The following PEPD variants were observed in gnomAD, a reference collection of about 807,000 sequenced individuals.
PEPD encodes xaa-Pro dipeptidase.
In PEPD, 53 loss-of-function variants were observed where a neutral mutation model predicts 60.7. That is an observed-to-expected ratio of 0.87 (90% CI 0.70 to 1.10). The LOEUF (loss-of-function observed/expected upper bound fraction) is 1.10. Ranked by LOEUF, PEPD falls within the 50% of genes least tolerant of loss-of-function variation. The probability of loss-of-function intolerance (pLI) is 0.00; values close to 1 mark genes in which losing one functional copy is unlikely to be tolerated. For synonymous variants in PEPD, 267 were observed against 284.1 expected, an observed-to-expected ratio of 0.94 and a Z score of 0.60; for missense variants, 711 against 711.9, an observed-to-expected ratio of 1.00 and a Z score of 0.01.
rs969099511 is a variant in PEPD at position 33,408,316 on chromosome 19, T to G, written c.818+3356A>C. Among the ~76,000 whole-genome samples the G allele has an allele frequency of 3.5e-4, 54 of 152,236 alleles. 1 individual carries two copies. Among genetic ancestry groups the G allele is most frequent in the Admixed American group, 3.3e-3 (51 of 15,288 alleles). ...GCTGCTGGAAGTGGGCATCAGGGCC[T>G]GGCCTGCCCAGCTCGGTGAGGACAC... On this transcript the variant is annotated intron_variant, in intron 11 of 14. Transcript: ENST00000244137.
chr19:33,494,592 GTTCT>G (rs937434912), intron 4 of PEPD, among the ~76,000 whole-genome samples: 2 of 152,180 alleles, frequency 1.3e-5, no homozygotes, highest in Non-Finnish European at 2.9e-5. Context: ...GTCATTATAT[GTTCT>G]TCAAACATGC....
intron 9 of PEPD, among the ~76,000 whole-genome samples, chr19:33,438,435 C>T (rs1969421141): frequency 6.6e-6 from 1 of 152,240 alleles, no homozygotes; most frequent in Non-Finnish European, 1.5e-5. Flanking sequence ...GAGGCAGGTC[C>T]AAGGGTCTCT....
intron 12 of PEPD, among the ~76,000 whole-genome samples, chr19:33,398,083 G>C (rs548381788): frequency 6.6e-6 from 1 of 152,290 alleles, no homozygotes; most frequent in South Asian, 2.1e-4. Flanking sequence ...TAAGACAATG[G>C]CTTTCCCACC....
chr19:33,487,147 C>G (rs774679003), intron 6 of PEPD: 1 of 152,190 alleles, frequency 6.6e-6, no homozygotes. Flanking sequence ...CAGGGGAATG[C>G]GGTTGCTGAG....
At chr19:33,434,808 C>A (rs1260561674) in intron 9 of PEPD, among the ~76,000 whole-genome samples, 1 of 151,950 alleles carries the variant, frequency 6.6e-6, no homozygotes, top group African/African-American at 2.4e-5. Flanking sequence ...GGTGGAGCAG[C>A]AGAAGCCTGG....
At chr19:33,461,521 A>G (rs954128215) in intron 9 of PEPD, among the ~76,000 whole-genome samples, 4 of 152,130 alleles carry the variant, frequency 2.6e-5, no homozygotes, top group African/African-American at 9.7e-5. Flanking sequence ...TCAAGCAGCC[A>G]GCATGCAGAG....
intron 9 of PEPD, among the ~76,000 whole-genome samples, chr19:33,445,491 C>T (rs1969574305): frequency 6.6e-6 from 1 of 152,192 alleles, no homozygotes; most frequent in East Asian, 1.9e-4. Flanking sequence ...GACATCTGAG[C>T]ATATGAGAGA....
chr19:33,394,022 C>T (rs1968303227), intron 12 of PEPD, among the ~76,000 whole-genome samples: 2 of 152,264 alleles, frequency 1.3e-5, no homozygotes, highest in South Asian at 4.1e-4. Context: ...CTGCAGCCGT[C>T]CCCTGGACGG....
In PEPD at chr19:33,516,309, A is replaced by C. The variant is rs894923757; in HGVS notation, c.18-3533T>G. On this transcript the variant is annotated intron_variant, in intron 1 of 14. Transcript: ENST00000244137. ...CAGGTTTCTGCTGCAGCTTTTGTTAACTGGCACCCAGAATTTAAAAGGCAA... is the reference window on the plus strand; with the variant it reads ...CAGGTTTCTGCTGCAGCTTTTGTTACCTGGCACCCAGAATTTAAAAGGCAA... 3.3e-5 allele frequency among the ~76,000 whole-genome samples: 5 copies of C among 152,134 alleles called. No individual in the cohort carries two copies. In the South Asian group the frequency reaches 8.3e-4, roughly 25 times the overall value.
intron 11 of PEPD, among the ~76,000 whole-genome samples, chr19:33,410,070 G>A (rs562858094): frequency 2.0e-5 from 3 of 152,370 alleles, no homozygotes; most frequent in African/African-American, 7.2e-5. Context: ...GGCTCACTGT[G>A]GTGCCAGAGT....
intron 6 of PEPD, among the ~76,000 whole-genome samples, chr19:33,481,499 G>A (rs1052867547): frequency 2.6e-4 from 40 of 152,158 alleles, no homozygotes; most frequent in Non-Finnish European, 4.1e-4. Flanking sequence ...CCAGGAGGCT[G>A]AGCATGCAGT....
At chr19:33,511,492 T>A in intron 2 of PEPD, 1 of 365,992 alleles carries the variant, frequency 2.7e-6, no homozygotes, top group Non-Finnish European at 5.3e-6. Context: ...CTCTGCCACG[T>A]GCAGGCAGGC....
chr19:33,418,027 C>T (rs1178719592), intron 9 of PEPD, among the ~76,000 whole-genome samples: 1 of 152,208 alleles, frequency 6.6e-6, no homozygotes, highest in Admixed American at 6.5e-5. Context: ...CCTGTGCCCA[C>T]CATCCCTTCA....
chr19:33,424,089 C>G (rs79789448), intron 9 of PEPD, among the ~76,000 whole-genome samples: 10,252 of 152,284 alleles, frequency 0.067, 448 homozygotes, highest in Middle Eastern at 0.11. Flanking sequence ...GGGGGCTGCG[C>G]CTGTCACCTG....
At chr19:33,508,585 C>CGCTGGCGGCTGGTGCT (rs968377895) in intron 3 of PEPD, among the ~76,000 whole-genome samples, 4 of 152,204 alleles carry the variant, frequency 2.6e-5, no homozygotes, top group Non-Finnish European at 4.4e-5. Context: ...GCCTCATGCA[C>CGCTGGCGGCTGGTGCT]GCTGGCGGCT....
chr19:33,518,863 C>G (rs1187948981), intron 1 of PEPD, among the ~76,000 whole-genome samples: 1 of 152,092 alleles, frequency 6.6e-6, no homozygotes, highest in Non-Finnish European at 1.5e-5. Flanking sequence ...TTCTGGAGTT[C>G]TGAGCACTAA....
chr19:33,497,158 C>T (rs888328939), intron 4 of PEPD, among the ~76,000 whole-genome samples: 1 of 152,274 alleles, frequency 6.6e-6, no homozygotes, highest in Non-Finnish European at 1.5e-5. Context: ...CCTGAACAAT[C>T]AGGTTCCTGG....
At chr19:33,405,015 A>T (rs901184062) in intron 11 of PEPD, among the ~76,000 whole-genome samples, 1 of 152,216 alleles carries the variant, frequency 6.6e-6, no homozygotes, top group African/African-American at 2.4e-5. Flanking sequence ...GGCACGCAGG[A>T]TCCCTCCTTC....
intron 7 of PEPD, among the ~76,000 whole-genome samples, chr19:33,476,788 C>G (rs1970224308): frequency 6.6e-6 from 1 of 152,122 alleles, no homozygotes; most frequent in Non-Finnish European, 1.5e-5. Context: ...CTCAGTCTCC[C>G]TAAGAGCTGG....
Sources: gnomAD v4.1 joint callset for allele counts (sites outside exome capture counted in the v4.1 genomes callset) on GRCh38, gnomAD v4.1.1 for gene constraint, MANE v1.5 for transcripts, NCBI Gene and HGNC (gene_info 2026-07-23, HGNC 2026-07-21) for gene names.